Variants in KIAA1328 observed in about 807,000 individuals in gnomAD.
KIAA1328 encodes KIAA1328, also known as protein hinderin.
KIAA1328 carries 52 observed loss-of-function variants against 68.1 expected under a neutral mutation model. The observed-to-expected ratio is 0.76, with a 90% CI of 0.61 to 0.96. The LOEUF (loss-of-function observed/expected upper bound fraction) is 0.96. Ranked by LOEUF, KIAA1328 falls within the 40% of genes least tolerant of loss-of-function variation. The pLI, the probability that KIAA1328 is intolerant of heterozygous loss-of-function variation, is 0.00. For synonymous variants in KIAA1328, 232 were observed against 239.4 expected (o/e 0.97, Z 0.28); for missense variants, 641 against 677.6 (o/e 0.95, Z 0.60).
At chr18:37,003,085 A>G (rs558415937) in intron 6 of KIAA1328, among the ~76,000 whole-genome samples, 1 of 152,140 alleles carries the variant, frequency 6.6e-6, no homozygotes, top group African/African-American at 2.4e-5. Flanking sequence ...GACAACTTAC[A>G]TTGTGGAAAA....
chr18:37,037,462 TG>T (rs2055072581), intron 6 of KIAA1328, among the ~76,000 whole-genome samples: 1 of 152,250 alleles, frequency 6.6e-6, no homozygotes, highest in African/African-American at 2.4e-5. Flanking sequence ...TTTACTTTTT[TG>T]TCTCTTTCCA....
intron 6 of KIAA1328, among the ~76,000 whole-genome samples, chr18:36,993,341 G>T (rs11663324): frequency 6.6e-6 from 1 of 152,120 alleles, no homozygotes; most frequent in South Asian, 2.1e-4. Flanking sequence ...GTAGTGACAA[G>T]TATTTATATA....
At chr18:36,926,041 T>G (rs191517065) in intron 5 of KIAA1328, among the ~76,000 whole-genome samples, 485 of 152,186 alleles carry the variant, frequency 3.2e-3, no homozygotes, top group Non-Finnish European at 5.7e-3. Context: ...CTTCAGATTT[T>G]GTAACTTTTG....
rs529282514 is a variant in KIAA1328, at chr18:37,222,616, C to T, written c.*389C>T. 1.9e-4 allele frequency: 193 copies of T among 1,038,492 alleles called. 1 individual carries two copies. The African/African-American group carries it at 3.1e-3, about 17-fold the overall frequency. 64.3% of individuals were successfully genotyped at this position (1,038,492 alleles called of 1,614,324 possible). The stretch of plus-strand genomic sequence containing the variant: ...AGAAAAACCTTTCCACTGAAAAATC[C>T]CTCTGATTTAAAAGTAACCCCTTTG... On this transcript the variant is annotated 3_prime_UTR_variant, in exon 10 of 10. Transcript: ENST00000280020.
intron 7 of KIAA1328, among the ~76,000 whole-genome samples, chr18:37,134,938 G>A (rs2058609663): frequency 6.6e-6 from 1 of 152,098 alleles, no homozygotes; most frequent in Non-Finnish European, 1.5e-5. Flanking sequence ...ACTTACAAGT[G>A]AGAACATGTG....
At chr18:37,063,561 G>A (rs774284958) in intron 6 of KIAA1328, 56 of 835,568 alleles carry the variant, frequency 6.7e-5, no homozygotes, top group Non-Finnish European at 7.4e-5. Context: ...TAAAAGTTGC[G>A]TACACTAGGG....
At chr18:36,880,525 A>T (rs767839832) in intron 4 of KIAA1328, among the ~76,000 whole-genome samples, 2 of 152,094 alleles carry the variant, frequency 1.3e-5, no homozygotes, top group Non-Finnish European at 2.9e-5. Flanking sequence ...AGCACATAAA[A>T]ATTTTACTTT....
chr18:37,101,162 A>G (rs2057601875), intron 7 of KIAA1328, among the ~76,000 whole-genome samples: 1 of 152,236 alleles, frequency 6.6e-6, no homozygotes, highest in Non-Finnish European at 1.5e-5. Flanking sequence ...ACAAAGCTGG[A>G]TGATGAATGA....
chr18:36,960,543 C>A lies in KIAA1328; in HGVS notation c.576+1108C>A, dbSNP rs898670397. Among the ~76,000 whole-genome samples the A allele has an allele frequency of 2.0e-5, 3 of 152,316 alleles. No homozygotes were observed. The South Asian group carries it at 6.2e-4, about 32-fold the overall frequency. ...ACCACTGTGTAGCCTGACTGGGAGA[C>A]ACCTCACAGTAGAGGCCAACAGACA... On this transcript the variant is annotated intron_variant, in intron 6 of 9. Coordinates refer to ENST00000280020, the MANE Select transcript of KIAA1328 (RefSeq NM_020776.3).
chr18:37,123,218 T>C (rs2058314559), intron 7 of KIAA1328, among the ~76,000 whole-genome samples: 1 of 152,182 alleles, frequency 6.6e-6, no homozygotes, highest in Non-Finnish European at 1.5e-5. Flanking sequence ...AAAAACTGAA[T>C]GTCTTATTCT....
At chr18:36,834,238 A>G in intron 1 of KIAA1328, 82 bp from the exon 2 acceptor site, 1 of 1,289,594 alleles carries the variant, frequency 7.8e-7, no homozygotes, top group African/African-American at 1.5e-5. Flanking sequence ...GAAATTATGA[A>G]TTATAAGAGG....
At chr18:36,895,615 C>CTT (rs977297196) in intron 5 of KIAA1328, among the ~76,000 whole-genome samples, 23 of 152,152 alleles carry the variant, frequency 1.5e-4, no homozygotes, top group Admixed American at 1.4e-3. Flanking sequence ...TTTTCAGCCC[C>CTT]TTTGCCTGCT....
chr18:36,850,415 T>C (rs769140963), intron 4 of KIAA1328, among the ~76,000 whole-genome samples: 2 of 152,076 alleles, frequency 1.3e-5, no homozygotes, highest in Non-Finnish European at 2.9e-5. Context: ...GGCTTTTCTA[T>C]ATACAGTAGT....
chr18:36,990,601 G>T (rs2053135899), intron 6 of KIAA1328, among the ~76,000 whole-genome samples: 1 of 151,922 alleles, frequency 6.6e-6, no homozygotes, highest in Non-Finnish European at 1.5e-5. Flanking sequence ...AACCCAGGAG[G>T]TGGAGGCTGC....
At chr18:37,176,943 A>G (rs923498404) in intron 9 of KIAA1328, among the ~76,000 whole-genome samples, 1 of 152,200 alleles carries the variant, frequency 6.6e-6, no homozygotes, top group African/African-American at 2.4e-5. Context: ...ATAACACTCA[A>G]AGCAAAAGAA....
At chr18:37,052,724 A>G (rs2055748960) in intron 6 of KIAA1328, among the ~76,000 whole-genome samples, 1 of 152,194 alleles carries the variant, frequency 6.6e-6, no homozygotes, top group African/African-American at 2.4e-5. Flanking sequence ...GAACCAAATC[A>G]AGAACTCAAT....
chr18:37,073,730 T>A (rs1020426550), intron 7 of KIAA1328, among the ~76,000 whole-genome samples: 2 of 152,242 alleles, frequency 1.3e-5, no homozygotes, highest in East Asian at 3.8e-4. Context: ...TTCTTCTTTA[T>A]GTCTTCTCTT....
chr18:37,019,287 A>G (rs866228466), intron 6 of KIAA1328, among the ~76,000 whole-genome samples: 2 of 151,744 alleles, frequency 1.3e-5, no homozygotes, highest in Non-Finnish European at 2.9e-5. Context: ...AGTTCATCCT[A>G]CGAGCCCATA....
chr18:36,835,272 C>A lies in KIAA1328; in HGVS notation c.133C>A (p.Leu45Met). ...AEGNVRSRHK[L>M]MSPKADVKLK... ...AGGAAATGTCAGATCAAGACACAAG[C>A]TGATGAGTCCAAAAGCTGATGTTAA... The change falls in exon 3 of 10, where the codon CTG becomes ATG. Residue 45 changes from leucine (L) to methionine (M), a missense_variant. By Grantham distance (15) the Leu-to-Met change is conservative. Coordinates refer to ENST00000280020, the MANE Select transcript of KIAA1328 (RefSeq NM_020776.3). The A allele has an allele frequency of 6.2e-7, 1 of 1,613,458 alleles. No individual in the cohort carries two copies.
Sources: gnomAD v4.1 joint callset for allele counts (sites outside exome capture counted in the v4.1 genomes callset) on GRCh38, gnomAD v4.1.1 for gene constraint, MANE v1.5 for transcripts, NCBI Gene and HGNC (gene_info 2026-07-23, HGNC 2026-07-21) for gene names.